The following ASTN2 variants were observed in gnomAD, a reference collection of about 807,000 sequenced individuals.
The protein encoded by ASTN2 is astrotactin-2.
Under a neutral mutation model 139.8 loss-of-function variants are expected in ASTN2, and 54 were observed. That is an observed-to-expected ratio of 0.39 (90% confidence interval 0.31 to 0.48). ASTN2 has a LOEUF of 0.48. Among genes scored for constraint, ASTN2 ranks in the 20% least tolerant of loss-of-function variants. ASTN2 has a pLI of 0.95. For synonymous variants in ASTN2, 756 were observed against 719.5 expected (o/e 1.05, Z -0.81); for missense variants, 1,565 against 1,725.1 (o/e 0.91, Z 1.64).
chr9:117,332,749 C>T (rs942087975), intron 1 of ASTN2, among the ~76,000 whole-genome samples: 12 of 152,158 alleles, frequency 7.9e-5, no homozygotes, highest in Non-Finnish European at 1.6e-4. Flanking sequence ...GTGGAAGCTA[C>T]CTAATGTCCA....
intron 1 of ASTN2, among the ~76,000 whole-genome samples, chr9:117,394,113 A>G (rs539373806): frequency 6.6e-6 from 1 of 152,332 alleles, no homozygotes; most frequent in South Asian, 2.1e-4. Flanking sequence ...TACTGGTTAC[A>G]GTCCTGTCAT....
chr9:116,687,160 C>T, intron 16 of ASTN2: 1 of 1,070,302 alleles, frequency 9.3e-7, no homozygotes, highest in Admixed American at 4.5e-5. Context: ...CGCTAAGGCC[C>T]CGGGTTCTCA....
At position 116,838,710 on chromosome 9, in the gene ASTN2, C is replaced by T. The variant is rs73533326; in HGVS notation, c.2041-17927G>A. Among the ~76,000 whole-genome samples, 1,087 of 151,884 alleles carry T rather than the reference C, an allele frequency of 7.2e-3. 10 individuals carry two copies. Among genetic ancestry groups the T allele is most frequent in the African/African-American group, 0.024 (1,002 of 41,430 alleles). Reference sequence around the variant, plus strand: ...AAAGTGATAGGATTATGATTACAGGCGTGAGCCACTGCGCCCTGCCTGGGC... The same window carrying T: ...AAAGTGATAGGATTATGATTACAGGTGTGAGCCACTGCGCCCTGCCTGGGC... On this transcript the variant is annotated intron_variant, in intron 11 of 22. Transcript: ENST00000313400.
intron 22 of ASTN2, among the ~76,000 whole-genome samples, chr9:116,430,602 A>C (rs1284583013): frequency 6.6e-6 from 1 of 152,166 alleles, no homozygotes; most frequent in Non-Finnish European, 1.5e-5. Context: ...AAGTCACTTC[A>C]CCTCCCTAAG....
intron 19 of ASTN2, among the ~76,000 whole-genome samples, chr9:116,493,524 C>T (rs1849581468): frequency 6.6e-6 from 1 of 152,148 alleles, no homozygotes; most frequent in Non-Finnish European, 1.5e-5. Flanking sequence ...AAATGTTAAT[C>T]ATGATTCTGC....
chr9:116,733,418 T>C lies in ASTN2; in HGVS notation c.2502A>G (p.Pro834=), dbSNP rs7863560. 1 allele frequency: 1,612,555 copies of C among 1,614,068 alleles called. 805,536 individuals are homozygous for C. The highest frequency in any genetic ancestry group is 1 in the Non-Finnish European group (1,179,973 of 1,180,016). Residue 834 remains proline (P), a synonymous_variant, in exon 14 of 23, where the codon CCA becomes CCG. Transcript: ENST00000313400. ...QCRGVLSEPL[P]DLQLLTGDIR... Reference sequence around the variant, plus strand: ...TCTTACCAGTGAGCAGTTGGAGGTCTGGAAGGGGCTCGGAGAGGACCCCCC... The same window carrying C: ...TCTTACCAGTGAGCAGTTGGAGGTCCGGAAGGGGCTCGGAGAGGACCCCCC...
rs1413207727 is a variant in ASTN2, at chr9:116,530,131, A to G, written c.3356-42631T>C. ...TATATATATATATATATATATATATATATATATATATATATATATAAAATA... is the reference window on the plus strand; with the variant it reads ...TATATATATATATATATATATATATGTATATATATATATATATATAAAATA... On this transcript the variant is annotated intron_variant, in intron 19 of 22. Transcript: ENST00000313400. Among the ~76,000 whole-genome samples, 16 of 29,360 alleles carry G rather than the reference A, an allele frequency of 5.4e-4. 1 individual carries two copies. Among genetic ancestry groups the G allele is most frequent in the African/African-American group, 1.7e-3 (14 of 8,062 alleles). The allele number at this position is 29,360 out of a possible 152,430, so 19.3% of individuals were successfully genotyped here. A position where few individuals can be genotyped will look rare whatever the true frequency, so the allele number is the denominator to read the frequency against.
chr9:117,042,862 T>TG lies in ASTN2; in HGVS notation c.1277-2898_1277-2897insC, dbSNP rs1268415863. On this transcript the variant is annotated intron_variant, in intron 5 of 22. Coordinates refer to ENST00000313400, the MANE Select transcript of ASTN2 (RefSeq NM_001365068.1). ...CACTGGAGTTTTTTGTTGTTGTTGT[T>TG]TTTTGTTTTGCTTGTTTGCTTGTTT... Among the ~76,000 whole-genome samples the TG allele has an allele frequency of 1.1e-3, 164 of 152,210 alleles. 1 individual carries two copies. Among genetic ancestry groups the TG allele is most frequent in the African/African-American group, 3.8e-3 (159 of 41,542 alleles).
intron 12 of ASTN2, among the ~76,000 whole-genome samples, chr9:116,807,724 T>TTC (rs1016445053): frequency 1.3e-5 from 2 of 151,754 alleles, no homozygotes; most frequent in African/African-American, 4.8e-5. Context: ...CTGGCTAGAG[T>TTC]TCTCTCTCTC....
intron 16 of ASTN2, among the ~76,000 whole-genome samples, chr9:116,660,625 T>C (rs1193176956): frequency 6.6e-6 from 1 of 152,186 alleles, no homozygotes; most frequent in Admixed American, 6.5e-5. Context: ...ATTATTCAAT[T>C]CTTGTACATG....
intron 2 of ASTN2, among the ~76,000 whole-genome samples, chr9:117,244,746 A>G (rs1165751861): frequency 3.8e-5 from 4 of 105,922 alleles, no homozygotes; most frequent in Middle Eastern, 5.1e-3. Context: ...GAGGGAGGGA[A>G]GGAGGGAGGG....
chr9:117,138,068 C>T (rs1456196245), intron 4 of ASTN2, among the ~76,000 whole-genome samples: 1 of 152,110 alleles, frequency 6.6e-6, no homozygotes, highest in Admixed American at 6.5e-5. Flanking sequence ...TTAATACGCT[C>T]ATTTACTCAA....
intron 20 of ASTN2, among the ~76,000 whole-genome samples, chr9:116,482,573 C>A (rs1351011818): frequency 6.6e-6 from 1 of 152,106 alleles, no homozygotes; most frequent in Non-Finnish European, 1.5e-5. Flanking sequence ...TTCCATGTCA[C>A]AAATAATACT....
chr9:116,698,304 T>C lies in ASTN2; in HGVS notation c.2806+27467A>G. On this transcript the variant is annotated intron_variant, in intron 16 of 22. Transcript: ENST00000313400. The surrounding 1 kb of genome is among the most constrained non-coding windows in gnomAD (Gnocchi z 4.4). Reference sequence around the variant, plus strand: ...AAGGTATAAAGCAGTTCTCCAGGAGTATGGGCATGAGGAGCGCAGGGTCCA... The same window carrying C: ...AAGGTATAAAGCAGTTCTCCAGGAGCATGGGCATGAGGAGCGCAGGGTCCA... 6.2e-7 allele frequency: 1 copy of C among 1,613,848 alleles called. No homozygotes were observed. Among genetic ancestry groups the C allele is most frequent in the East Asian group, 2.2e-5 (1 of 44,858 alleles).
At chr9:116,447,425 G>A (rs897733003) in intron 20 of ASTN2, among the ~76,000 whole-genome samples, 10 of 152,028 alleles carry the variant, frequency 6.6e-5, no homozygotes, top group Non-Finnish European at 1.3e-4. Context: ...CCTACACCTG[G>A]TGCACCAACG....
chr9:117,075,797 A>G (rs781246945), intron 5 of ASTN2, among the ~76,000 whole-genome samples: 4 of 152,182 alleles, frequency 2.6e-5, no homozygotes, highest in Non-Finnish European at 4.4e-5. Flanking sequence ...CTGTTTACTA[A>G]AACTGTGACT....
At chr9:117,296,890 A>G (rs959141714) in intron 1 of ASTN2, among the ~76,000 whole-genome samples, 1 of 152,186 alleles carries the variant, frequency 6.6e-6, no homozygotes, top group Non-Finnish European at 1.5e-5. Context: ...ACTGCCCCAC[A>G]GAAGCTGAGA....
chr9:116,916,227 T>A (rs1350822417), intron 10 of ASTN2, among the ~76,000 whole-genome samples: 1 of 152,174 alleles, frequency 6.6e-6, no homozygotes, highest in Non-Finnish European at 1.5e-5. Context: ...TGGCCCACCA[T>A]CAGTGAAAAG....
intron 4 of ASTN2, among the ~76,000 whole-genome samples, chr9:117,103,486 T>A (rs13297784): frequency 6.6e-6 from 1 of 152,072 alleles, no homozygotes; most frequent in Non-Finnish European, 1.5e-5. Context: ...TGGAAAAGTA[T>A]GGAGCAAGAT....
Sources: allele counts gnomAD v4.1 joint callset (sites outside exome capture counted in the v4.1 genomes callset), GRCh38; gene constraint gnomAD v4.1.1; non-coding constraint Gnocchi (gnomAD v3.1); transcripts MANE v1.5; gene names NCBI Gene and HGNC (gene_info 2026-07-23, HGNC 2026-07-21).